Variants in PTPRC observed in about 807,000 individuals in gnomAD.
The protein encoded by PTPRC is protein tyrosine phosphatase receptor type C, also known as receptor-type tyrosine-protein phosphatase C.
Under a neutral mutation model 155.9 loss-of-function variants are expected in PTPRC, and 44 were observed. The ratio of observed to expected loss-of-function variants is 0.28; its 90% CI spans 0.22 to 0.36. The LOEUF (loss-of-function observed/expected upper bound fraction) is 0.36. PTPRC is among the 10% of genes least tolerant of loss of function. The probability of loss-of-function intolerance (pLI) is 1.00; values close to 1 mark genes in which losing one functional copy is unlikely to be tolerated. For synonymous variants in PTPRC, 525 were observed against 533.1 expected (o/e 0.98, Z 0.21); for missense variants, 1,401 against 1,564.6 (o/e 0.90, Z 1.76).
At chr1:198,703,232 G>C (rs1410807499) in intron 6 of PTPRC, 66 bp from the exon 7 acceptor site, 1 of 1,605,686 alleles carries the variant, frequency 6.2e-7, no homozygotes, top group Middle Eastern at 1.7e-4. Context: ...TTGCTAAAGA[G>C]TTTTTCTTTC....
chr1:198,722,513 G>T, intron 15 of PTPRC, 37 bp downstream of exon 15: 11 of 1,132,218 alleles, frequency 9.7e-6, no homozygotes, highest in South Asian at 4.4e-5. Flanking sequence ...TATATATTAA[G>T]ATATATATTA....
intron 5 of PTPRC, 129 bp from the exon 6 acceptor site, chr1:198,702,258 G>T: frequency 1.7e-6 from 2 of 1,165,278 alleles, no homozygotes; most frequent in Non-Finnish European, 2.6e-6. Flanking sequence ...ATGTGTCGTG[G>T]TATAGCAGAA....
At chr1:198,690,579 A>G (rs1571836926) in intron 2 of PTPRC, among the ~76,000 whole-genome samples, 1 of 152,114 alleles carries the variant, frequency 6.6e-6, no homozygotes, top group African/African-American at 2.4e-5. Context: ...TATATCAAAA[A>G]TGCATTTTAC....
chr1:198,709,445 A>G (rs999641501), intron 10 of PTPRC, among the ~76,000 whole-genome samples: 1 of 152,188 alleles, frequency 6.6e-6, no homozygotes, highest in African/African-American at 2.4e-5. Flanking sequence ...AAATCTGAAA[A>G]AAAAAACTAA....
intron 12 of PTPRC, 33 bp from the exon 13 acceptor site, chr1:198,716,649 G>T: frequency 6.3e-7 from 1 of 1,597,668 alleles, no homozygotes; most frequent in South Asian, 1.1e-5. Flanking sequence ...GACTTTTAAC[G>T]ACTTACTAAT....
In PTPRC at chr1:198,752,570, T is replaced by G. The variant is rs80355303; in HGVS notation, c.3331-24T>G. 788 of 1,605,066 alleles carry G rather than the reference T, an allele frequency of 4.9e-4. 4 individuals carry two copies. In the African/African-American group the frequency reaches 9.0e-3, roughly 18 times the overall value. On this transcript the variant is annotated intron_variant, in intron 30 of 32. Transcript: ENST00000442510. ...ATAAGCTGAACTTCACTCCAGTTAA[T>G]GCTCTCTTCAATTCTGATTTTAGAG...
chr1:198,670,948 GTAT>G, intron 2 of PTPRC, among the ~76,000 whole-genome samples: 1 of 152,098 alleles, frequency 6.6e-6, no homozygotes. Context: ...TTTGCATTAA[GTAT>G]TATAAGTAAT....
intron 32 of PTPRC, among the ~76,000 whole-genome samples, chr1:198,755,042 T>C (rs933838239): frequency 6.6e-6 from 1 of 152,090 alleles, no homozygotes; most frequent in Non-Finnish European, 1.5e-5. Flanking sequence ...AGAAGACTTG[T>C]GTGAGACCAC....
chr1:198,722,596 C>T lies in PTPRC; in HGVS notation c.1720+120C>T, dbSNP rs533645704. 41 of 442,796 alleles carry T rather than the reference C, an allele frequency of 9.3e-5. 1 individual carries two copies. Among genetic ancestry groups the T allele is most frequent in the South Asian group, 8.5e-4 (13 of 15,274 alleles). 27.4% of individuals were successfully genotyped at this position (442,796 alleles called of 1,614,324 possible). A position where few individuals can be genotyped will look rare whatever the true frequency, so the allele number is the denominator to read the frequency against. On this transcript the variant is annotated intron_variant, in intron 15 of 32. Transcript: ENST00000442510. ...TTAAATGCTTAAATAATATCTCTTC[C>T]GTAAATGTAATATTTTTAATTGTCA...
intron 2 of PTPRC, among the ~76,000 whole-genome samples, chr1:198,643,210 A>G (rs1325139145): frequency 6.6e-6 from 1 of 151,772 alleles, no homozygotes; most frequent in Non-Finnish European, 1.5e-5. Context: ...ATGATTGATG[A>G]TGATGATGAC....
intron 2 of PTPRC, among the ~76,000 whole-genome samples, chr1:198,686,539 T>C (rs1229737764): frequency 2.6e-5 from 4 of 152,196 alleles, no homozygotes; most frequent in East Asian, 3.8e-4. Context: ...CTCAATGCAG[T>C]TCTTACTTTG....
chr1:198,743,067 C>CAAAAAAAAAAAAAAAAAAAAAAAAAAAA (rs10628640), intron 25 of PTPRC, among the ~76,000 whole-genome samples: 1 of 75,950 alleles, frequency 1.3e-5, no homozygotes, highest in Non-Finnish European at 2.5e-5. Context: ...GTCAAAATAG[C>CAAAAAAAAAAAAAAAAAAAAAAAAAAAA]AAAAAAAAAA....
rs1463113083 is a variant in PTPRC, at chr1:198,756,702, C to CTATT, written c.*523_*526dup. 3.3e-5 allele frequency: 5 copies of CTATT among 153,088 alleles called. No individual in the cohort carries two copies. Among genetic ancestry groups the CTATT allele is most frequent in the South Asian group, 4.1e-4 (2 of 4,902 alleles). 9.5% of individuals were successfully genotyped at this position (153,088 alleles called of 1,614,324 possible). ...ATATATATCTATCTTATATAGTTTACTATTTTACTTCTAGAGATAGTACAT... is the reference window on the plus strand; with the variant it reads ...ATATATATCTATCTTATATAGTTTACTATTTATTTTACTTCTAGAGATAGTACAT... On this transcript the variant is annotated 3_prime_UTR_variant, in exon 33 of 33. Transcript: ENST00000442510.
intron 2 of PTPRC, among the ~76,000 whole-genome samples, chr1:198,644,373 A>G (rs1327191908): frequency 6.6e-6 from 1 of 151,918 alleles, no homozygotes; most frequent in Non-Finnish European, 1.5e-5. Flanking sequence ...AGACTTTAGC[A>G]ATATGATTTG....
chr1:198,696,734 C>T lies in PTPRC; in HGVS notation c.123C>T (p.Pro41=), dbSNP rs1169752477. 1 of 1,613,820 alleles carries T rather than the reference C, an allele frequency of 6.2e-7. No individual in the cohort carries two copies. Among genetic ancestry groups the T allele is most frequent in the Admixed American group, 1.7e-5 (1 of 60,000 alleles). ...CAGGATTGACTACAGCAAAGATGCCCAGTGTTCCACTTTCAAGTGACCCCT... is the reference window on the plus strand; with the variant it reads ...CAGGATTGACTACAGCAAAGATGCCTAGTGTTCCACTTTCAAGTGACCCCT... ...SPTGLTTAKM[P]SVPLSSDPLP... is the part of the protein sequence containing the mutation. The change falls in exon 4 of 33, where the codon CCC becomes CCT. Residue 41 remains proline (P), a synonymous_variant. Coordinates refer to ENST00000442510, the MANE Select transcript of PTPRC (RefSeq NM_002838.5).
intron 7 of PTPRC, chr1:198,703,593 A>C: frequency 1.4e-6 from 1 of 698,314 alleles, no homozygotes; most frequent in Non-Finnish European, 2.4e-6. Context: ...TTCATCAGAA[A>C]GCATGTGTGA....
intron 5 of PTPRC, among the ~76,000 whole-genome samples, chr1:198,700,824 C>T (rs1022896294): frequency 1.3e-5 from 2 of 152,112 alleles, no homozygotes; most frequent in Non-Finnish European, 2.9e-5. Context: ...CCGTCCATAA[C>T]CACCACTGAG....
intron 31 of PTPRC, among the ~76,000 whole-genome samples, chr1:198,753,856 T>C (rs1208208917): frequency 6.6e-6 from 1 of 152,026 alleles, no homozygotes; most frequent in Non-Finnish European, 1.5e-5. Flanking sequence ...AAGAAGAGCA[T>C]GTGTTCTAGT....
intron 2 of PTPRC, among the ~76,000 whole-genome samples, chr1:198,687,914 T>A (rs1407407154): frequency 1.3e-5 from 2 of 152,076 alleles, no homozygotes; most frequent in Non-Finnish European, 2.9e-5. Flanking sequence ...CACGAAAACA[T>A]TTTTATGTCA....
Sources: allele counts gnomAD v4.1 joint callset (sites outside exome capture counted in the v4.1 genomes callset), GRCh38; gene constraint gnomAD v4.1.1; transcripts MANE v1.5; gene names NCBI Gene and HGNC (gene_info 2026-07-23, HGNC 2026-07-21).